ENPP6: variants seen among roughly 807,000 people sequenced by gnomAD.
ENPP6 encodes ectonucleotide pyrophosphatase/phosphodiesterase 6.
Under a neutral mutation model 42.0 loss-of-function variants are expected in ENPP6, and 32 were observed. The ratio of observed to expected loss-of-function variants is 0.76; its 90% CI spans 0.58 to 1.02. ENPP6 has a LOEUF of 1.02. Among genes scored for constraint, ENPP6 ranks in the 50% least tolerant of loss-of-function variants. The pLI is 0.00. For missense variants in ENPP6, 552 were observed against 566.8 expected (o/e 0.97, Z 0.27); for synonymous variants, 213 against 216.0 (o/e 0.99, Z 0.12).
chr4:184,161,354 C>A (rs181696749), intron 1 of ENPP6, among the ~76,000 whole-genome samples: 2 of 152,206 alleles, frequency 1.3e-5, no homozygotes, highest in African/African-American at 4.8e-5. Flanking sequence ...CACCTTACTC[C>A]TGCAAGAATG....
Position 184,091,076 on chromosome 4 carries a change from G to A in ENPP6, c.*101C>T. The A allele has an allele frequency of 1.8e-6, 2 of 1,088,836 alleles. No homozygotes were observed. The highest frequency in any genetic ancestry group is 2.6e-6 in the Non-Finnish European group (2 of 771,408). The allele number at this position is 1,088,836 out of a possible 1,614,324, so 67.4% of individuals were successfully genotyped here. ...ATTTACAATGTGCATGGTCTTGATTGTGTTAATGAAGCTATTATTCACACA... is the reference window on the plus strand; with the variant it reads ...ATTTACAATGTGCATGGTCTTGATTATGTTAATGAAGCTATTATTCACACA... On this transcript the variant is annotated 3_prime_UTR_variant, in exon 8 of 8. Coordinates refer to ENST00000296741, the MANE Select transcript of ENPP6 (RefSeq NM_153343.4).
intron 6 of ENPP6, among the ~76,000 whole-genome samples, chr4:184,106,880 A>G (rs1235491595): frequency 6.6e-6 from 1 of 152,182 alleles, no homozygotes; most frequent in East Asian, 1.9e-4. Flanking sequence ...CGCTAGGTGC[A>G]CGATTGCTGA....
chr4:184,200,859 T>G (rs1357904350), intron 1 of ENPP6, among the ~76,000 whole-genome samples: 1 of 152,194 alleles, frequency 6.6e-6, no homozygotes, highest in Admixed American at 6.5e-5. Context: ...GCTGCAGACA[T>G]GTACACACAT....
At chr4:184,155,427 A>C (rs1051009408) in intron 1 of ENPP6, among the ~76,000 whole-genome samples, 3 of 152,186 alleles carry the variant, frequency 2.0e-5, no homozygotes, top group African/African-American at 4.8e-5. Flanking sequence ...TCATAGAGAG[A>C]TGTTCTCTGA....
At position 184,091,212 on chromosome 4, in the gene ENPP6, C is replaced by A; in HGVS notation, c.1288G>T (p.Ala430Ser). Residue 430 changes from alanine (A) to serine (S), a missense_variant, in exon 8 of 8, where the codon GCC (alanine) becomes TCC (serine). By Grantham distance (99) the Ala-to-Ser change is moderately conservative. Coordinates refer to ENST00000296741, the MANE Select transcript of ENPP6 (RefSeq NM_153343.4). ...AGGAAGAGAAGAATCAGTGCCAGGG[C>A]ACAGTGGCTGGGCCAGACAGGCGGG... Reference protein sequence around the residue: ...TAPPVWPSHCALALILLFLLA With the variant: ...TAPPVWPSHCSLALILLFLLA 1.3e-6 allele frequency: 2 copies of A among 1,596,714 alleles called. No individual in the cohort carries two copies. Among genetic ancestry groups the A allele is most frequent in the Non-Finnish European group, 1.7e-6 (2 of 1,170,850 alleles).
chr4:184,210,822 A>G (rs1003029075), intron 1 of ENPP6, among the ~76,000 whole-genome samples: 1 of 152,200 alleles, frequency 6.6e-6, no homozygotes, highest in Non-Finnish European at 1.5e-5. Flanking sequence ...TCCAAAATTG[A>G]CCACATACTT....
rs542739869 is a variant in ENPP6 at position 184,145,229 on chromosome 4, C to A, written c.421+8325G>T. ...CAGCCTAGGGAACGTCAGTCCTTCC[C>A]GAGTCCCTTCAGCCTTATCTCCTCT... On this transcript the variant is annotated intron_variant, in intron 2 of 7. Transcript: ENST00000296741. Among the ~76,000 whole-genome samples, 17 of 152,346 alleles carry A rather than the reference C, an allele frequency of 1.1e-4. No individual in the cohort carries two copies. In the South Asian group the frequency reaches 3.5e-3, roughly 32 times the overall value.
intron 5 of ENPP6, among the ~76,000 whole-genome samples, chr4:184,113,257 G>C (rs1736234391): frequency 6.6e-6 from 1 of 152,184 alleles, no homozygotes; most frequent in African/African-American, 2.4e-5. Flanking sequence ...TTTAGTGGGG[G>C]GAAAAGCAAG....
intron 1 of ENPP6, among the ~76,000 whole-genome samples, chr4:184,169,992 A>G (rs1737434655): frequency 6.6e-6 from 1 of 152,244 alleles, no homozygotes; most frequent in Non-Finnish European, 1.5e-5. Context: ...GCCTGTCTCT[A>G]GTACTGAGGT....
chr4:184,185,059 G>A (rs1002777292), intron 1 of ENPP6, among the ~76,000 whole-genome samples: 4 of 152,168 alleles, frequency 2.6e-5, no homozygotes, highest in South Asian at 2.1e-4. Flanking sequence ...TTTCTGAACC[G>A]ATGAATTGTA....
chr4:184,133,095 A>G (rs1475586585), intron 2 of ENPP6, among the ~76,000 whole-genome samples: 1 of 150,820 alleles, frequency 6.6e-6, no homozygotes, highest in Admixed American at 6.6e-5. Context: ...TGTTCATCTG[A>G]CTCCAAATAG....
chr4:184,194,004 T>C (rs1732748696), intron 1 of ENPP6, among the ~76,000 whole-genome samples: 1 of 152,198 alleles, frequency 6.6e-6, no homozygotes, highest in Admixed American at 6.5e-5. Context: ...TTGGCCTCTG[T>C]TGCCACGGTC....
intron 2 of ENPP6, among the ~76,000 whole-genome samples, chr4:184,124,523 C>T (rs898539063): frequency 2.6e-5 from 4 of 152,146 alleles, no homozygotes; most frequent in African/African-American, 9.7e-5. Flanking sequence ...AAAAATTAGA[C>T]CACAACTGTC....
At chr4:184,212,181 G>C (rs1251832964) in intron 1 of ENPP6, among the ~76,000 whole-genome samples, 1 of 151,862 alleles carries the variant, frequency 6.6e-6, no homozygotes, top group African/African-American at 2.4e-5. Flanking sequence ...ACTGGCACAA[G>C]ACAGGGATGC....
chr4:184,170,421 C>T (rs1294292041), intron 1 of ENPP6, among the ~76,000 whole-genome samples: 1 of 143,448 alleles, frequency 7.0e-6, no homozygotes, highest in African/African-American at 2.6e-5. Context: ...CAGAGTGAGA[C>T]TCTGTCTCAA....
At chr4:184,130,377 T>C (rs1286208062) in intron 2 of ENPP6, among the ~76,000 whole-genome samples, 1 of 147,532 alleles carries the variant, frequency 6.8e-6, no homozygotes, top group East Asian at 2.0e-4. Context: ...GCTAACACGG[T>C]GAAACCCTGT....
At position 184,090,972 on chromosome 4, in the gene ENPP6, C is replaced by A; in HGVS notation, c.*205G>T. ...GCACAAATGGAAAGCTAGGATTTTCCTACCTTCTGGAAAAACAAGGTTTGT... is the reference window on the plus strand; with the variant it reads ...GCACAAATGGAAAGCTAGGATTTTCATACCTTCTGGAAAAACAAGGTTTGT... On this transcript the variant is annotated 3_prime_UTR_variant, in exon 8 of 8. Coordinates refer to ENST00000296741, the MANE Select transcript of ENPP6 (RefSeq NM_153343.4). The A allele has an allele frequency of 2.0e-6, 1 of 488,222 alleles. No individual in the cohort carries two copies. The highest frequency in any genetic ancestry group is 3.4e-6 in the Non-Finnish European group (1 of 290,930). 30.2% of individuals were successfully genotyped at this position (488,222 alleles called of 1,614,324 possible). A position where few individuals can be genotyped will look rare whatever the true frequency, so the allele number is the denominator to read the frequency against.
At chr4:184,137,323 C>T (rs1396033746) in intron 2 of ENPP6, among the ~76,000 whole-genome samples, 1 of 152,190 alleles carries the variant, frequency 6.6e-6, no homozygotes, top group African/African-American at 2.4e-5. Flanking sequence ...TCTCGAACAC[C>T]TTACCTCAAG....
intron 1 of ENPP6, among the ~76,000 whole-genome samples, chr4:184,156,416 G>A (rs1424164236): frequency 6.6e-6 from 1 of 152,192 alleles, no homozygotes; most frequent in Admixed American, 6.5e-5. Flanking sequence ...TGAAAGAACA[G>A]AACAGAACAC....
Sources: gnomAD v4.1 joint callset for allele counts (sites outside exome capture counted in the v4.1 genomes callset) on GRCh38, gnomAD v4.1.1 for gene constraint, MANE v1.5 for transcripts, NCBI Gene and HGNC (gene_info 2026-07-23, HGNC 2026-07-21) for gene names.